The following CRACD variants were observed in gnomAD, a reference collection of about 807,000 sequenced individuals.
The protein encoded by CRACD is capping protein-inhibiting regulator of actin dynamics.
In CRACD, 56 loss-of-function variants were observed where a neutral mutation model predicts 106.8. The ratio of observed to expected loss-of-function variants is 0.52; its 90% confidence interval spans 0.42 to 0.66. The LOEUF (loss-of-function observed/expected upper bound fraction) is 0.66. Among genes scored for constraint, CRACD ranks in the 30% least tolerant of loss-of-function variants. CRACD has a pLI of 0.00. For synonymous variants in CRACD, 754 were observed against 670.8 expected, an observed-to-expected ratio of 1.12 and a Z score of -1.92; for missense variants, 1,730 against 1,623.2, an observed-to-expected ratio of 1.07 and a Z score of -1.13.
At chr4:56,133,099 C>G (rs1734882257) in intron 1 of CRACD, among the ~76,000 whole-genome samples, 1 of 152,182 alleles carries the variant, frequency 6.6e-6, no homozygotes, top group Non-Finnish European at 1.5e-5. Flanking sequence ...TTTCAGAACT[C>G]TTTTAGATTG....
intron 2 of CRACD, among the ~76,000 whole-genome samples, chr4:56,245,988 A>G (rs1740657735): frequency 6.6e-6 from 1 of 152,116 alleles, no homozygotes; most frequent in South Asian, 2.1e-4. Context: ...TTTTATAAAG[A>G]AGGATTGTCT....
At chr4:56,307,402 CAT>C in intron 4 of CRACD, 131 bp from the exon 5 acceptor site, 1 of 677,656 alleles carries the variant, frequency 1.5e-6, no homozygotes, top group Middle Eastern at 4.1e-4. Context: ...GGTTTCCTGG[CAT>C]GGTGTTGAGT....
At position 56,313,386 on chromosome 4, in the gene CRACD, A is replaced by G. The variant is rs1745284313; in HGVS notation, c.537+7A>G. The G allele has an allele frequency of 1.2e-6, 2 of 1,611,316 alleles. No individual in the cohort carries two copies. The highest frequency in any genetic ancestry group is 1.1e-5 in the South Asian group (1 of 90,930). Reference sequence around the variant, plus strand: ...GCACAGGCGCCTTGCCCAGGTGTGTAGAGCCTGCACGGGCTGACCAGGCAG... The same window carrying G: ...GCACAGGCGCCTTGCCCAGGTGTGTGGAGCCTGCACGGGCTGACCAGGCAG... On this transcript the variant is annotated splice_region_variant and intron_variant, in intron 7 of 10. Coordinates refer to ENST00000682029, the MANE Select transcript of CRACD (RefSeq NM_001393381.1).
intron 1 of CRACD, among the ~76,000 whole-genome samples, chr4:56,050,273 A>AGTGTGTGTGTGTGT (rs3036783): frequency 7.4e-6 from 1 of 134,476 alleles, no homozygotes; most frequent in Non-Finnish European, 1.6e-5. Flanking sequence ...TAGGTGAGGG[A>AGTGTGTGTGTGTGT]GTGTGTGTGT....
intron 1 of CRACD, among the ~76,000 whole-genome samples, chr4:56,089,600 G>A (rs1209380943): frequency 1.4e-5 from 2 of 145,056 alleles, no homozygotes; most frequent in Admixed American, 1.4e-4. Flanking sequence ...CGCAACCTCC[G>A]CCTCCCGGGT....
At chr4:56,319,180 C>T (rs1050994390) in intron 8 of CRACD, among the ~76,000 whole-genome samples, 6 of 152,154 alleles carry the variant, frequency 3.9e-5, no homozygotes, top group Non-Finnish European at 7.4e-5. Context: ...ACAAAAAGCA[C>T]CCACCACATG....
At chr4:56,324,672 A>G (rs1386098783) in intron 10 of CRACD, among the ~76,000 whole-genome samples, 1 of 152,214 alleles carries the variant, frequency 6.6e-6, no homozygotes, top group African/African-American at 2.4e-5. Context: ...TATTCTGACA[A>G]AGTTGGGTTT....
intron 8 of CRACD, among the ~76,000 whole-genome samples, chr4:56,322,509 T>A (rs1746165490): frequency 6.6e-6 from 1 of 152,232 alleles, no homozygotes; most frequent in African/African-American, 2.4e-5. Context: ...CAGAAGCCTG[T>A]GTACTAACTG....
chr4:56,155,258 A>T (rs1266120399), intron 1 of CRACD, among the ~76,000 whole-genome samples: 1 of 152,192 alleles, frequency 6.6e-6, no homozygotes, highest in Non-Finnish European at 1.5e-5. Flanking sequence ...GTCAGTGGAC[A>T]CACAGTGGCT....
At chr4:56,182,832 T>C (rs1736888538) in intron 2 of CRACD, among the ~76,000 whole-genome samples, 2 of 151,484 alleles carry the variant, frequency 1.3e-5, no homozygotes, top group Admixed American at 1.3e-4. Flanking sequence ...AATTAAATGA[T>C]TTTTTCTCAT....
intron 1 of CRACD, among the ~76,000 whole-genome samples, chr4:56,134,205 G>T (rs1315013838): frequency 7.2e-6 from 1 of 138,376 alleles, no homozygotes; most frequent in Non-Finnish European, 1.6e-5. Flanking sequence ...GTCTCAAAAA[G>T]AAAAAAAAAA....
intron 3 of CRACD, among the ~76,000 whole-genome samples, chr4:56,273,481 G>A (rs1742489162): frequency 6.6e-6 from 1 of 151,696 alleles, no homozygotes; most frequent in Admixed American, 6.6e-5. Flanking sequence ...AAATCTGGGT[G>A]TGACAGTGTC....
chr4:56,116,674 G>A (rs1734296018), intron 1 of CRACD, among the ~76,000 whole-genome samples: 1 of 151,936 alleles, frequency 6.6e-6, no homozygotes, highest in Non-Finnish European at 1.5e-5. Context: ...TCTTCTTTTT[G>A]TTTTTTTCCA....
intron 1 of CRACD, among the ~76,000 whole-genome samples, chr4:56,177,564 A>G (rs1173591061): frequency 2.6e-5 from 4 of 152,100 alleles, no homozygotes; most frequent in Non-Finnish European, 5.9e-5. Context: ...CTTCTTTCCA[A>G]TTTGTTGCAA....
At chr4:56,091,432 A>G (rs981284965) in intron 1 of CRACD, among the ~76,000 whole-genome samples, 8 of 151,848 alleles carry the variant, frequency 5.3e-5, no homozygotes, top group Non-Finnish European at 8.8e-5. Context: ...GAATCAGGGA[A>G]CACCACTTGC....
At chr4:56,201,554 C>T (rs1737879943) in intron 2 of CRACD, among the ~76,000 whole-genome samples, 1 of 152,106 alleles carries the variant, frequency 6.6e-6, no homozygotes, top group South Asian at 2.1e-4. Context: ...AAGAGAAAGA[C>T]AGTCAATGGG....
chr4:56,316,722 G>A, intron 8 of CRACD, 33 bp downstream of exon 8: 1 of 1,576,896 alleles, frequency 6.3e-7, no homozygotes, highest in South Asian at 1.2e-5. Flanking sequence ...ACTGCTGCCA[G>A]CCGAGGTGTC....
chr4:56,330,319 A>G lies in CRACD; in HGVS notation c.*2515A>G, dbSNP rs976848330. Among the ~76,000 whole-genome samples, 5 of 151,992 alleles carry G rather than the reference A, an allele frequency of 3.3e-5. No individual in the cohort carries two copies. The highest frequency in any genetic ancestry group is 7.4e-5 in the Non-Finnish European group (5 of 67,984). Reference sequence around the variant, plus strand: ...TTACTTTTTTAATTTTTCAAGTGCAATTGTTTCTTACACAGACATTATTAC... The same window carrying G: ...TTACTTTTTTAATTTTTCAAGTGCAGTTGTTTCTTACACAGACATTATTAC... On this transcript the variant is annotated 3_prime_UTR_variant, in exon 11 of 11. Coordinates refer to ENST00000682029, the MANE Select transcript of CRACD (RefSeq NM_001393381.1).
intron 2 of CRACD, among the ~76,000 whole-genome samples, chr4:56,228,315 C>T (rs1739423518): frequency 6.6e-6 from 1 of 152,058 alleles, no homozygotes; most frequent in Admixed American, 6.5e-5. Context: ...CTAACAGAAA[C>T]AAGACTTCAG....
Sources: gnomAD v4.1 joint callset for allele counts (sites outside exome capture counted in the v4.1 genomes callset) on GRCh38, gnomAD v4.1.1 for gene constraint, MANE v1.5 for transcripts, NCBI Gene and HGNC (gene_info 2026-07-23, HGNC 2026-07-21) for gene names.